ZFAND5: variants seen among roughly 807,000 people sequenced by gnomAD.
ZFAND5 encodes AN1-type zinc finger protein 5.
In ZFAND5, 4 loss-of-function variants were observed where a neutral mutation model predicts 23.6. The observed-to-expected ratio is 0.17, with a 90% CI of 0.08 to 0.39. The LOEUF (loss-of-function observed/expected upper bound fraction) is 0.39. Among genes scored for constraint, ZFAND5 ranks in the 10% least tolerant of loss-of-function variants. The pLI is 1.00. For synonymous variants in ZFAND5, 68 were observed against 80.6 expected (o/e 0.84, Z 0.84); for missense variants, 161 against 253.7 (o/e 0.63, Z 2.48).
chr9:72,362,524 A>C (rs1377726330), intron 2 of ZFAND5, among the ~76,000 whole-genome samples: 4 of 152,248 alleles, frequency 2.6e-5, no homozygotes, highest in African/African-American at 9.6e-5. Flanking sequence ...AATTTTAGTT[A>C]ATCTGATTCT....
rs1247376293 is a variant in ZFAND5 at position 72,352,228 on chromosome 9, G to C, written c.*3725C>G. 6.6e-6 allele frequency: 1 copy of C among 152,252 alleles called. No individual in the cohort carries two copies. The highest frequency in any genetic ancestry group is 2.4e-5 in the African/African-American group (1 of 41,440). The allele number at this position is 152,252 out of a possible 1,614,324, so 9.4% of individuals were successfully genotyped here. A position where few individuals can be genotyped will look rare whatever the true frequency, so the allele number is the denominator to read the frequency against. ...CTCCGGAGGCTGAGCCAGGAGAATG[G>C]CGTGAACCCGGGAGGCGGAACTTGC... On this transcript the variant is annotated 3_prime_UTR_variant, in exon 7 of 7. Transcript: ENST00000376962.
At chr9:72,361,310 T>C (rs2809274) in intron 2 of ZFAND5, among the ~76,000 whole-genome samples, 1 of 152,112 alleles carries the variant, frequency 6.6e-6, no homozygotes, top group Non-Finnish European at 1.5e-5. Flanking sequence ...CTGTACTTTT[T>C]AATGCTGAAA....
chr9:72,360,199 A>G lies in ZFAND5; in HGVS notation c.174T>C (p.Ser58=), dbSNP rs1842058824. 6.2e-7 allele frequency: 1 copy of G among 1,612,748 alleles called. No homozygotes were observed. The highest frequency in any genetic ancestry group is 1.3e-5 in the African/African-American group (1 of 74,870). ...SPMGTASGSN[S]PTSDSASVQR... The stretch of plus-strand genomic sequence containing the variant: ...GTACAGATGCAGAATCTGAGGTAGG[A>G]CTGTTGGAACCACTAGCTGTTCCTA... Residue 58 remains serine, a synonymous_variant, in exon 4 of 7, where the codon AGT becomes AGC. Coordinates refer to ENST00000376962, the MANE Select transcript of ZFAND5 (RefSeq NM_001102420.3).
chr9:72,355,852 TGGA>T lies in ZFAND5; in HGVS notation c.*98_*100del. The T allele has an allele frequency of 9.1e-7, 1 of 1,103,644 alleles. No homozygotes were observed. The allele number at this position is 1,103,644 out of a possible 1,614,324, so 68.4% of individuals were successfully genotyped here. Reference sequence around the variant, plus strand: ...GACAGACAAGTGTAATGTAAAACTCTGGAGAACATCAAAGAAAAATGGCCATGC... The same window carrying T: ...GACAGACAAGTGTAATGTAAAACTCTGAACATCAAAGAAAAATGGCCATGC... On this transcript the variant is annotated 3_prime_UTR_variant, in exon 7 of 7. Transcript: ENST00000376962.
chr9:72,364,543 C>G, intron 1 of ZFAND5, 153 bp downstream of exon 1: 1 of 1,276,848 alleles, frequency 7.8e-7, no homozygotes, highest in Non-Finnish European at 1.0e-6. Context: ...TTTGTGCTTC[C>G]TGGGCTGGCG....
chr9:72,364,530 G>A lies in ZFAND5; in HGVS notation c.-147+166C>T, dbSNP rs770981223. 10 of 1,278,476 alleles carry A rather than the reference G, an allele frequency of 7.8e-6. No homozygotes were observed. In the East Asian group the frequency reaches 4.8e-4, roughly 61 times the overall value. The allele number at this position is 1,278,476 out of a possible 1,614,324, so 79.2% of individuals were successfully genotyped here. ...GCCACGACGACAGGATGACGCCTCC[G>A]TCTTTGTGCTTCCTGGGCTGGCGGG... is the stretch of plus-strand genomic sequence containing the variant. On this transcript the variant is annotated intron_variant, in intron 1 of 6. Coordinates refer to ENST00000376962, the MANE Select transcript of ZFAND5 (RefSeq NM_001102420.3).
intron 5 of ZFAND5, 44 bp downstream of exon 5, chr9:72,359,374 A>G (rs1587874591): frequency 6.3e-7 from 1 of 1,586,224 alleles, no homozygotes. Context: ...CATTTCTTGC[A>G]CTATCAAATT....
intron 2 of ZFAND5, among the ~76,000 whole-genome samples, chr9:72,362,536 A>G (rs1842134487): frequency 6.6e-6 from 1 of 152,220 alleles, no homozygotes; most frequent in African/African-American, 2.4e-5. Flanking sequence ...TCTGATTCTT[A>G]AAATATTTGT....
At chr9:72,357,575 C>T (rs1458726847) in intron 5 of ZFAND5, among the ~76,000 whole-genome samples, 1 of 152,160 alleles carries the variant, frequency 6.6e-6, no homozygotes, top group East Asian at 1.9e-4. Context: ...AAATCAACGT[C>T]AGATCCAAAA....
rs1432459035 is a variant in ZFAND5 at position 72,360,376 on chromosome 9, TAA to T, written c.152-157_152-156del. On this transcript the variant is annotated intron_variant, in intron 3 of 6. Coordinates refer to ENST00000376962, the MANE Select transcript of ZFAND5 (RefSeq NM_001102420.3). Reference sequence around the variant, plus strand: ...ACTTGAGTATCCAAACAAAAAATATTAAAAAGTCAATCCAATGAACACAAGTG... The same window carrying T: ...ACTTGAGTATCCAAACAAAAAATATTAAAGTCAATCCAATGAACACAAGTG... 7 of 842,780 alleles carry T rather than the reference TAA, an allele frequency of 8.3e-6. No homozygotes were observed. In the East Asian group the frequency reaches 1.3e-4, roughly 16 times the overall value. The allele number at this position is 842,780 out of a possible 1,614,324, so 52.2% of individuals were successfully genotyped here.
At chr9:72,356,565 A>C (rs1287615333) in intron 6 of ZFAND5, among the ~76,000 whole-genome samples, 3 of 152,228 alleles carry the variant, frequency 2.0e-5, no homozygotes, top group Non-Finnish European at 4.4e-5. Flanking sequence ...AAGTGAAAAC[A>C]ACCATCAAGG....
chr9:72,362,180 G>C (rs1365377909), intron 2 of ZFAND5, among the ~76,000 whole-genome samples: 1 of 152,198 alleles, frequency 6.6e-6, no homozygotes, highest in Non-Finnish European at 1.5e-5. Context: ...AGTTGACACT[G>C]TCTCTTTAAA....
In ZFAND5 at chr9:72,356,016, T is replaced by C. The variant is rs777968242; in HGVS notation, c.579A>G (p.Glu193=). 1 of 1,613,098 alleles carries C rather than the reference T, an allele frequency of 6.2e-7. No individual in the cohort carries two copies. The highest frequency in any genetic ancestry group is 8.5e-7 in the Non-Finnish European group (1 of 1,179,668). ...KHNCPYDYKA[E]AAAKIRKENP... is the part of the protein sequence containing the mutation. ...TCTCTTTTCTGATTTTTGCTGCAGC[T>C]TCTGCTTTGTAATCATACGGACAGT... is the stretch of plus-strand genomic sequence containing the variant. Residue 193 remains glutamate, a synonymous_variant, in exon 7 of 7, where the codon GAA becomes GAG. Transcript: ENST00000376962.
At chr9:72,362,058 A>G (rs377544134) in intron 2 of ZFAND5, among the ~76,000 whole-genome samples, 1 of 152,340 alleles carries the variant, frequency 6.6e-6, no homozygotes, top group Admixed American at 6.5e-5. Context: ...ATTCCCCAAA[A>G]CATTTTATCT....
chr9:72,357,832 C>CT (rs1305159234), intron 5 of ZFAND5, among the ~76,000 whole-genome samples: 2 of 152,072 alleles, frequency 1.3e-5, no homozygotes, highest in African/African-American at 4.8e-5. Flanking sequence ...CCTAAAAAGG[C>CT]TTTAAGTTTC....
rs1158396446 is a variant in ZFAND5, at chr9:72,353,255, AACTGAGTCCTCTCAGGTGCCTTACAC to A, written c.*2672_*2697del. On this transcript the variant is annotated 3_prime_UTR_variant, in exon 7 of 7. Coordinates refer to ENST00000376962, the MANE Select transcript of ZFAND5 (RefSeq NM_001102420.3). ...GGTTTGAATGCAAGAATTTGGGTAG[AACTGAGTCCTCTCAGGTGCCTTACAC>A]ACTGATTCCCTTTCTCCCCAGTCAA... 7 of 152,216 alleles carry A rather than the reference AACTGAGTCCTCTCAGGTGCCTTACAC, an allele frequency of 4.6e-5. No individual in the cohort carries two copies. The highest frequency in any genetic ancestry group is 1.4e-4 in the African/African-American group (6 of 41,432). 9.4% of individuals were successfully genotyped at this position (152,216 alleles called of 1,614,324 possible).
In ZFAND5 at chr9:72,364,704, G is replaced by T. The variant is rs1254404277; in HGVS notation, c.-155C>A. 1.1e-5 allele frequency: 10 copies of T among 921,300 alleles called. No homozygotes were observed. The highest frequency in any genetic ancestry group is 1.4e-5 in the Non-Finnish European group (10 of 737,306). 57.1% of individuals were successfully genotyped at this position (921,300 alleles called of 1,614,324 possible). A position where few individuals can be genotyped will look rare whatever the true frequency, so the allele number is the denominator to read the frequency against. On this transcript the variant is annotated 5_prime_UTR_variant, in exon 1 of 7. Coordinates refer to ENST00000376962, the MANE Select transcript of ZFAND5 (RefSeq NM_001102420.3). ...AGCCCCGTATCACTCACCCTGCAGG[G>T]TCCCAAATGCGAAAGCCGGGTTCGC...
rs1282910904 is a variant in ZFAND5, at chr9:72,353,048, C to G, written c.*2905G>C. 1 of 152,248 alleles carries G rather than the reference C, an allele frequency of 6.6e-6. No individual in the cohort carries two copies. Among genetic ancestry groups the G allele is most frequent in the East Asian group, 1.9e-4 (1 of 5,198 alleles). 9.4% of individuals were successfully genotyped at this position (152,248 alleles called of 1,614,324 possible). A position where few individuals can be genotyped will look rare whatever the true frequency, so the allele number is the denominator to read the frequency against. ...GCTCTAGTTTTACAGATCAGGCACA[C>G]TGAAGATGAGGTTTTCAAAAAGGAC... On this transcript the variant is annotated 3_prime_UTR_variant, in exon 7 of 7. Coordinates refer to ENST00000376962, the MANE Select transcript of ZFAND5 (RefSeq NM_001102420.3).
chr9:72,359,671 C>A, intron 4 of ZFAND5, 150 bp from the exon 5 acceptor site: 1 of 740,278 alleles, frequency 1.4e-6, no homozygotes, highest in Admixed American at 3.4e-5. Context: ...AAATTGGATG[C>A]CCAGCACAAA....
Sources: gnomAD v4.1 joint callset for allele counts (sites outside exome capture counted in the v4.1 genomes callset) on GRCh38, gnomAD v4.1.1 for gene constraint, MANE v1.5 for transcripts, NCBI Gene and HGNC (gene_info 2026-07-23, HGNC 2026-07-21) for gene names.